The following AKR1B1 variants were observed in gnomAD, a reference collection of about 807,000 sequenced individuals.
AKR1B1 encodes aldo-keto reductase family 1 member B1.
In AKR1B1, 22 loss-of-function variants were observed where a neutral mutation model predicts 40.4. That is an observed-to-expected ratio of 0.54 (90% CI 0.39 to 0.78). AKR1B1 has a LOEUF of 0.78. AKR1B1 is among the 30% of genes least tolerant of loss of function. The pLI is 0.00. For synonymous variants in AKR1B1, 157 were observed against 149.9 expected, an observed-to-expected ratio of 1.05 and a Z score of -0.35; for missense variants, 357 against 396.7, an observed-to-expected ratio of 0.90 and a Z score of 0.85.
chr7:134,446,425 G>C (rs1187202675), intron 8 of AKR1B1, among the ~76,000 whole-genome samples: 1 of 152,352 alleles, frequency 6.6e-6, no homozygotes, highest in South Asian at 2.1e-4. Flanking sequence ...GCTCACCTAA[G>C]CTGGGGCCTG....
intron 1 of AKR1B1, 157 bp from the exon 2 acceptor site, chr7:134,451,910 C>A: frequency 1.3e-6 from 1 of 776,944 alleles, no homozygotes; most frequent in Non-Finnish European, 2.2e-6. Context: ...GACTATCAGC[C>A]TCAGACGCGG....
chr7:134,455,565 G>C (rs1037475619), intron 1 of AKR1B1, among the ~76,000 whole-genome samples: 1 of 152,124 alleles, frequency 6.6e-6, no homozygotes, highest in Non-Finnish European at 1.5e-5. Flanking sequence ...TTACAATGCT[G>C]TGATGGGTTT....
In AKR1B1 at chr7:134,448,426, A is replaced by G; in HGVS notation, c.620T>C (p.Val207Ala). 1.2e-6 allele frequency: 2 copies of G among 1,613,936 alleles called. No homozygotes were observed. Among genetic ancestry groups the G allele is most frequent in the Non-Finnish European group, 8.5e-7 (1 of 1,179,866 alleles). Reference protein sequence around the residue: ...IQYCQSKGIVVTAYSPLGSPD... With the variant: ...IQYCQSKGIVATAYSPLGSPD... ...AGAGCCGAGGGGGCTGTAGGCGGTC[A>G]CCACGATGCCTTTGGACTGGCAGTA... is the stretch of plus-strand genomic sequence containing the variant. Residue 207 changes from valine (V) to alanine (A), a missense_variant, in exon 6 of 10, where the codon GTG (valine) becomes GCG (alanine). By Grantham distance (64) the Val-to-Ala change is moderately conservative. Coordinates refer to ENST00000285930, the MANE Select transcript of AKR1B1 (RefSeq NM_001628.4).
At chr7:134,449,867 G>A in intron 3 of AKR1B1, 70 bp from the exon 4 acceptor site, 1 of 1,313,206 alleles carries the variant, frequency 7.6e-7, no homozygotes, top group South Asian at 1.2e-5. Flanking sequence ...GCTGGGGGAA[G>A]CTGGCATCTA....
At chr7:134,448,151 A>G in intron 6 of AKR1B1, 90 bp from the exon 7 acceptor site, 1 of 1,139,280 alleles carries the variant, frequency 8.8e-7, no homozygotes, top group Non-Finnish European at 1.3e-6. Context: ...CATCGACCTC[A>G]GAGGGCAGCC....
intron 8 of AKR1B1, 132 bp downstream of exon 8, chr7:134,447,166 C>A: frequency 1.1e-6 from 1 of 872,186 alleles, no homozygotes; most frequent in Non-Finnish European, 1.8e-6. Context: ...TTGGCTTGCT[C>A]GCCACAGCTC....
intron 3 of AKR1B1, 22 bp from the exon 4 acceptor site, chr7:134,449,819 A>C (rs1490617279): frequency 1.9e-6 from 3 of 1,599,196 alleles, no homozygotes; most frequent in Admixed American, 3.3e-5. Flanking sequence ...ATAAAAAACA[A>C]ACAAACAAAA....
chr7:134,447,274 A>T lies in AKR1B1; in HGVS notation c.825+24T>A, dbSNP rs868595606. The T allele has an allele frequency of 2.5e-6, 4 of 1,607,042 alleles. No individual in the cohort carries two copies. The Middle Eastern group carries it at 6.7e-4, about 270-fold the overall frequency. Reference sequence around the variant, plus strand: ...ATCCCCCACTCCATGGAGGAGGGCCAGGCCTGACCAGCCAAGATCTTACCT... The same window carrying T: ...ATCCCCCACTCCATGGAGGAGGGCCTGGCCTGACCAGCCAAGATCTTACCT... On this transcript the variant is annotated intron_variant, in intron 8 of 9. Coordinates refer to ENST00000285930, the MANE Select transcript of AKR1B1 (RefSeq NM_001628.4).
rs1483371908 is a variant in AKR1B1, at chr7:134,447,348, C to A, written c.775G>T (p.Val259Leu). The A allele has an allele frequency of 3.2e-5, 52 of 1,614,022 alleles. No homozygotes were observed. The highest frequency in any genetic ancestry group is 4.3e-5 in the Non-Finnish European group (51 of 1,180,026). ...GGTGTCACAGACTTGGGGATCACCA[C>A]CAAGTTCCTCTGCATGGGGAACCGG... ...LIRFPMQRNLVVIPKSVTPER... is the reference protein window; with the variant it reads ...LIRFPMQRNLLVIPKSVTPER... Residue 259 changes from valine (V) to leucine (L), a missense_variant, in exon 8 of 10, where the codon GTG becomes TTG. Coordinates refer to ENST00000285930, the MANE Select transcript of AKR1B1 (RefSeq NM_001628.4).
chr7:134,456,477 G>T (rs543604172), intron 1 of AKR1B1, among the ~76,000 whole-genome samples: 1 of 151,852 alleles, frequency 6.6e-6, no homozygotes, highest in African/African-American at 2.4e-5. Context: ...GGGGTTACAG[G>T]TGTGAGCCAC....
intron 6 of AKR1B1, 78 bp downstream of exon 6, chr7:134,448,309 T>C (rs1195896319): frequency 7.5e-7 from 1 of 1,340,306 alleles, no homozygotes; most frequent in Non-Finnish European, 1.1e-6. Context: ...AACATCTTCC[T>C]TGAGGCTGAA....
chr7:134,444,268 C>T (rs2117445552), intron 9 of AKR1B1, among the ~76,000 whole-genome samples: 1 of 152,352 alleles, frequency 6.6e-6, no homozygotes. Flanking sequence ...CTGTTTGCGG[C>T]CTATTTTGAG....
intron 1 of AKR1B1, among the ~76,000 whole-genome samples, chr7:134,453,104 G>A (rs1030617934): frequency 1.3e-5 from 2 of 152,188 alleles, no homozygotes; most frequent in African/African-American, 4.8e-5. Context: ...CACCACTGAT[G>A]ACAGCAGGGA....
intron 1 of AKR1B1, among the ~76,000 whole-genome samples, chr7:134,455,219 A>C (rs1408734781): frequency 1.3e-5 from 2 of 151,644 alleles, no homozygotes; most frequent in African/African-American, 2.4e-5. Flanking sequence ...GGGCAAAAAA[A>C]CCCCCCTCAG....
intron 3 of AKR1B1, 29 bp downstream of exon 3, chr7:134,450,757 G>T: frequency 1.3e-6 from 2 of 1,580,086 alleles, no homozygotes; most frequent in South Asian, 2.2e-5. Context: ...GAGCCCCAAG[G>T]GACCTGGTCT....
At chr7:134,457,515 A>C (rs1176953872) in intron 1 of AKR1B1, among the ~76,000 whole-genome samples, 1 of 152,220 alleles carries the variant, frequency 6.6e-6, no homozygotes. Context: ...CATTCTGGCC[A>C]AGAAACACTC....
Position 134,445,547 on chromosome 7 carries a change from G to A in AKR1B1, c.826-227C>T, listed in dbSNP as rs556052760. Among the ~76,000 whole-genome samples the A allele has an allele frequency of 2.0e-4, 31 of 152,308 alleles. No individual in the cohort carries two copies. In the East Asian group the frequency reaches 5.6e-3, roughly 27 times the overall value. Reference sequence around the variant, plus strand: ...CCTTTCCAGAACCTCCCAGGGAAATGATACATTTTATTTCATTTCAAAAAA... The same window carrying A: ...CCTTTCCAGAACCTCCCAGGGAAATAATACATTTTATTTCATTTCAAAAAA... On this transcript the variant is annotated intron_variant, in intron 8 of 9. Coordinates refer to ENST00000285930, the MANE Select transcript of AKR1B1 (RefSeq NM_001628.4).
chr7:134,448,710 A>AG (rs1294051985), intron 5 of AKR1B1, among the ~76,000 whole-genome samples: 1 of 152,136 alleles, frequency 6.6e-6, no homozygotes, highest in African/African-American at 2.4e-5. Context: ...TGGGCCCTAG[A>AG]GGCTTTTCTT....
chr7:134,449,174 A>G (rs1450408919), intron 4 of AKR1B1, 55 bp from the exon 5 acceptor site: 7 of 1,609,344 alleles, frequency 4.3e-6, no homozygotes, highest in Non-Finnish European at 3.4e-6. Flanking sequence ...GGACAGGATC[A>G]GAAGTGTCGT....
Sources: gnomAD v4.1 joint callset for allele counts (sites outside exome capture counted in the v4.1 genomes callset) on GRCh38, gnomAD v4.1.1 for gene constraint, MANE v1.5 for transcripts, NCBI Gene and HGNC (gene_info 2026-07-23, HGNC 2026-07-21) for gene names.